The following TNIK variants were observed in gnomAD, a reference collection of about 807,000 sequenced individuals.
TNIK encodes the protein TRAF2 and NCK interacting kinase, also known as TRAF2 and NCK-interacting protein kinase.
Under a neutral mutation model 191.3 loss-of-function variants are expected in TNIK, and 49 were observed. The observed-to-expected ratio is 0.26, with a 90% confidence interval of 0.20 to 0.32. TNIK has a LOEUF of 0.32. Among genes scored for constraint, TNIK ranks in the 10% least tolerant of loss-of-function variants. TNIK has a pLI of 1.00. For synonymous variants in TNIK, 594 were observed against 600.9 expected (o/e 0.99, Z 0.17); for missense variants, 1,155 against 1,702.3 (o/e 0.68, Z 5.66).
intron 1 of TNIK, among the ~76,000 whole-genome samples, chr3:171,411,383 A>G (rs1454543590): frequency 6.6e-6 from 1 of 152,150 alleles, no homozygotes; most frequent in Non-Finnish European, 1.5e-5. Flanking sequence ...TTTCACTGCT[A>G]TCTTCCAAGT....
chr3:171,208,367 T>A (rs570676325), intron 4 of TNIK, among the ~76,000 whole-genome samples: 4 of 151,998 alleles, frequency 2.6e-5, no homozygotes, highest in Non-Finnish European at 4.4e-5. Context: ...AAAAAGCAGA[T>A]GTAAAAAAGA....
At chr3:171,069,871 A>C (rs1033097202) in intron 29 of TNIK, among the ~76,000 whole-genome samples, 2 of 152,228 alleles carry the variant, frequency 1.3e-5, no homozygotes, top group Non-Finnish European at 2.9e-5. Context: ...TTCTGACAGC[A>C]TGGGAAGCTC....
chr3:171,372,999 C>T (rs1471986278), intron 1 of TNIK, among the ~76,000 whole-genome samples: 3 of 152,120 alleles, frequency 2.0e-5, no homozygotes, highest in African/African-American at 7.2e-5. Context: ...TCAGTACTGA[C>T]CCTAGGCTCT....
At chr3:171,417,281 T>C (rs1437839802) in intron 1 of TNIK, among the ~76,000 whole-genome samples, 1 of 152,184 alleles carries the variant, frequency 6.6e-6, no homozygotes, top group Non-Finnish European at 1.5e-5. Flanking sequence ...TAGTAGCATA[T>C]CTTATTTGAA....
In TNIK at chr3:171,110,696, G is replaced by T; in HGVS notation, c.2284+18C>A. 2 of 1,570,458 alleles carry T rather than the reference G, an allele frequency of 1.3e-6. No individual in the cohort carries two copies. The highest frequency in any genetic ancestry group is 1.7e-6 in the Non-Finnish European group (2 of 1,157,146). On this transcript the variant is annotated intron_variant, in intron 19 of 32. Coordinates refer to ENST00000436636, the MANE Select transcript of TNIK (RefSeq NM_015028.4). The stretch of plus-strand genomic sequence containing the variant: ...CTCCCAGGCAGTATTGCCAGGTAAA[G>T]GTAAGAGAAAGTTTTACCTCGAACT...
intron 2 of TNIK, 49 bp from the exon 3 acceptor site, chr3:171,228,270 T>C (rs767681550): frequency 6.9e-6 from 11 of 1,605,190 alleles, no homozygotes; most frequent in African/African-American, 2.7e-5. Context: ...TGATGAATAG[T>C]AGCATTCAAT....
intron 12 of TNIK, among the ~76,000 whole-genome samples, chr3:171,143,753 T>A (rs1206026210): frequency 6.6e-6 from 1 of 152,204 alleles, no homozygotes; most frequent in African/African-American, 2.4e-5. Context: ...TTTGTTGTGT[T>A]GAATACTGCA....
chr3:171,420,733 C>T (rs897746876), intron 1 of TNIK, among the ~76,000 whole-genome samples: 3 of 152,058 alleles, frequency 2.0e-5, no homozygotes, highest in Admixed American at 1.3e-4. Flanking sequence ...CACTTTGGGG[C>T]CATTATTAAA....
At chr3:171,072,742 C>T (rs2108327928) in intron 28 of TNIK, among the ~76,000 whole-genome samples, 1 of 152,050 alleles carries the variant, frequency 6.6e-6, no homozygotes, top group East Asian at 1.9e-4. Flanking sequence ...AAAATTAATG[C>T]ACAAAAATCA....
chr3:171,212,158 C>T (rs1217683760), intron 3 of TNIK, among the ~76,000 whole-genome samples: 4 of 152,068 alleles, frequency 2.6e-5, no homozygotes, highest in Non-Finnish European at 5.9e-5. Flanking sequence ...AAAAACTACC[C>T]ATGGTGTCCC....
chr3:171,094,195 C>T (rs1474680663), intron 22 of TNIK, among the ~76,000 whole-genome samples: 3 of 151,262 alleles, frequency 2.0e-5, no homozygotes, highest in Non-Finnish European at 4.4e-5. Context: ...AGTGCAGTGG[C>T]GCGATCTTGA....
intron 1 of TNIK, among the ~76,000 whole-genome samples, chr3:171,412,651 C>T (rs918004526): frequency 2.6e-5 from 4 of 152,194 alleles, no homozygotes; most frequent in African/African-American, 9.7e-5. Flanking sequence ...ATACTCCTAA[C>T]CACCACACAA....
chr3:171,290,414 ATTTTTTCT>A (rs1473051308), intron 2 of TNIK, among the ~76,000 whole-genome samples: 1 of 152,144 alleles, frequency 6.6e-6, no homozygotes, highest in East Asian at 1.9e-4. Flanking sequence ...TAGGGAAATA[ATTTTTTCT>A]CATTGACTCT....
chr3:171,228,276 T>A (rs1743191242), intron 2 of TNIK, 55 bp from the exon 3 acceptor site: 1 of 1,604,028 alleles, frequency 6.2e-7, no homozygotes, highest in Admixed American at 1.7e-5. Flanking sequence ...ATAGTAGCAT[T>A]CAATTCCAAC....
At chr3:171,085,092 T>C in intron 25 of TNIK, 26 bp downstream of exon 25, 2 of 1,569,910 alleles carry the variant, frequency 1.3e-6, no homozygotes, top group Non-Finnish European at 8.7e-7. Context: ...AAGCTGTTTT[T>C]TAAACACAGG....
intron 5 of TNIK, among the ~76,000 whole-genome samples, chr3:171,191,106 C>G (rs1037300009): frequency 6.6e-6 from 1 of 152,220 alleles, no homozygotes; most frequent in Non-Finnish European, 1.5e-5. Context: ...TCAGTTAATA[C>G]TACTGTGAAA....
intron 2 of TNIK, among the ~76,000 whole-genome samples, chr3:171,235,768 TGG>T (rs11325665): frequency 7.2e-4 from 106 of 146,334 alleles, no homozygotes; most frequent in Middle Eastern, 3.5e-3. Context: ...TTTGTTTTGG[TGG>T]GGGGGGGGTT....
intron 3 of TNIK, among the ~76,000 whole-genome samples, chr3:171,216,207 T>C (rs1386778394): frequency 6.6e-6 from 1 of 152,204 alleles, no homozygotes; most frequent in Non-Finnish European, 1.5e-5. Flanking sequence ...TTAAAAAGCT[T>C]CTGAAATAAT....
At chr3:171,138,432 A>T in intron 14 of TNIK, 53 bp from the exon 15 acceptor site, 1 of 1,449,856 alleles carries the variant, frequency 6.9e-7, no homozygotes, top group Non-Finnish European at 9.1e-7. Context: ...TCACATAGAA[A>T]TCATCGGCCA....
Sources: allele counts gnomAD v4.1 joint callset (sites outside exome capture counted in the v4.1 genomes callset), GRCh38; gene constraint gnomAD v4.1.1; transcripts MANE v1.5; gene names NCBI Gene and HGNC (gene_info 2026-07-23, HGNC 2026-07-21).